SORCS2: variants seen among roughly 807,000 people sequenced by gnomAD.
SORCS2 encodes VPS10 domain-containing receptor SorCS2.
SORCS2 carries 100 observed loss-of-function variants against 141.6 expected under a neutral mutation model. That is an observed-to-expected ratio of 0.71 (90% CI 0.60 to 0.83). The LOEUF is 0.83. SORCS2 is among the 40% of genes least tolerant of loss of function. SORCS2 has a pLI of 0.00. For synonymous variants in SORCS2, 789 were observed against 676.9 expected, an observed-to-expected ratio of 1.17 and a Z score of -2.57; for missense variants, 1,646 against 1,560.2, an observed-to-expected ratio of 1.05 and a Z score of -0.93.
intron 1 of SORCS2, among the ~76,000 whole-genome samples, chr4:7,209,429 TAG>T (rs1157599934): frequency 6.6e-6 from 1 of 152,098 alleles, no homozygotes; most frequent in African/African-American, 2.4e-5. Context: ...GGAGGCTGTG[TAG>T]AGAGTCAGGC....
At chr4:7,720,679 T>C (rs1726526436) in intron 18 of SORCS2, among the ~76,000 whole-genome samples, 2 of 152,124 alleles carry the variant, frequency 1.3e-5, no homozygotes, top group Admixed American at 6.5e-5. Context: ...AGTTAGGAAA[T>C]GAGCAGAACT....
intron 2 of SORCS2, among the ~76,000 whole-genome samples, chr4:7,486,453 G>A (rs547331468): frequency 6.6e-6 from 1 of 152,288 alleles, no homozygotes; most frequent in Admixed American, 6.5e-5. Flanking sequence ...CCTGAGTCCC[G>A]TGTCTTGCAA....
At chr4:7,658,651 C>T (rs1410720860) in intron 5 of SORCS2, among the ~76,000 whole-genome samples, 1 of 152,218 alleles carries the variant, frequency 6.6e-6, no homozygotes, top group South Asian at 2.1e-4. Context: ...TCCCAGCTGG[C>T]TCCTGCCACA....
At chr4:7,673,565 T>C (rs1315179152) in intron 8 of SORCS2, among the ~76,000 whole-genome samples, 2 of 152,334 alleles carry the variant, frequency 1.3e-5, no homozygotes, top group East Asian at 3.9e-4. Flanking sequence ...GAAAAAAATA[T>C]GTGCACCACA....
rs897313564 is a variant in SORCS2 at position 7,741,325 on chromosome 4, C to T, written c.*1061C>T. The T allele has an allele frequency of 1.0e-5, 4 of 398,922 alleles. No homozygotes were observed. The highest frequency in any genetic ancestry group is 6.2e-4 in the Middle Eastern group (1 of 1,620). 24.7% of individuals were successfully genotyped at this position (398,922 alleles called of 1,614,324 possible). On this transcript the variant is annotated 3_prime_UTR_variant, in exon 27 of 27. Transcript: ENST00000507866. ...CCCAGGGAGGAGAGTAACTGAAGGT[C>T]ACAGCACGGTCACAGCAGAGGTGGC...
intron 1 of SORCS2, among the ~76,000 whole-genome samples, chr4:7,221,154 C>A (rs895492879): frequency 6.6e-6 from 1 of 152,170 alleles, no homozygotes; most frequent in African/African-American, 2.4e-5. Context: ...GACAAGATGT[C>A]CCCAGGTTCT....
At chr4:7,559,309 C>T (rs1366516578) in intron 3 of SORCS2, among the ~76,000 whole-genome samples, 1 of 152,194 alleles carries the variant, frequency 6.6e-6, no homozygotes, top group African/African-American at 2.4e-5. Context: ...CCTGGTTTAT[C>T]TCGAGCCTGG....
intron 1 of SORCS2, among the ~76,000 whole-genome samples, chr4:7,250,373 C>A (rs1025862472): frequency 1.3e-5 from 2 of 152,236 alleles, no homozygotes; most frequent in Non-Finnish European, 2.9e-5. Flanking sequence ...ATTTAAAAAA[C>A]CCCCACGGAT....
intron 2 of SORCS2, among the ~76,000 whole-genome samples, chr4:7,426,150 G>C (rs1312148520): frequency 2.0e-5 from 3 of 152,252 alleles, no homozygotes; most frequent in African/African-American, 7.2e-5. Flanking sequence ...TGTGGCTGTA[G>C]ACCCAGAGGA....
chr4:7,659,398 C>G (rs140953077), intron 5 of SORCS2, among the ~76,000 whole-genome samples: 2 of 152,296 alleles, frequency 1.3e-5, no homozygotes, highest in East Asian at 3.9e-4. Context: ...GGAGGACCAG[C>G]GTATGAAGCC....
intron 2 of SORCS2, among the ~76,000 whole-genome samples, chr4:7,410,865 C>G (rs1307293230): frequency 1.3e-5 from 2 of 150,560 alleles, no homozygotes; most frequent in African/African-American, 4.9e-5. Flanking sequence ...GGGACAAGAT[C>G]TGAGGTGACT....
intron 3 of SORCS2, among the ~76,000 whole-genome samples, chr4:7,607,300 C>T (rs949755545): frequency 6.6e-6 from 1 of 152,164 alleles, no homozygotes; most frequent in African/African-American, 2.4e-5. Flanking sequence ...ACAGATGCTC[C>T]ACGCAGACGC....
intron 2 of SORCS2, among the ~76,000 whole-genome samples, chr4:7,506,003 G>A (rs1732255949): frequency 6.6e-6 from 1 of 152,138 alleles, no homozygotes; most frequent in African/African-American, 2.4e-5. Context: ...CCCTGGCAGG[G>A]GGAACGCATA....
chr4:7,307,936 G>A (rs1444455351), intron 1 of SORCS2, among the ~76,000 whole-genome samples: 2 of 152,110 alleles, frequency 1.3e-5, no homozygotes, highest in African/African-American at 2.4e-5. Flanking sequence ...GTGCATGCAT[G>A]GGGTGGTATG....
At chr4:7,593,820 A>G (rs1248872645) in intron 3 of SORCS2, among the ~76,000 whole-genome samples, 1 of 152,210 alleles carries the variant, frequency 6.6e-6, no homozygotes, top group Non-Finnish European at 1.5e-5. Flanking sequence ...TATTGTCATT[A>G]TGGTTAAACT....
chr4:7,422,191 C>A (rs1267489098), intron 2 of SORCS2, among the ~76,000 whole-genome samples: 1 of 152,198 alleles, frequency 6.6e-6, no homozygotes, highest in Non-Finnish European at 1.5e-5. Flanking sequence ...CCTCCGTCAC[C>A]ATCCATTCTC....
chr4:7,237,610 C>T (rs1471800858), intron 1 of SORCS2, among the ~76,000 whole-genome samples: 2 of 152,018 alleles, frequency 1.3e-5, no homozygotes, highest in Admixed American at 1.3e-4. Flanking sequence ...CTTGCTGCAA[C>T]GGGTGCCTTA....
intron 3 of SORCS2, among the ~76,000 whole-genome samples, chr4:7,573,571 G>A (rs1256169266): frequency 2.0e-5 from 3 of 152,206 alleles, no homozygotes; most frequent in Non-Finnish European, 4.4e-5. Flanking sequence ...AGGCTGAAGT[G>A]CAATGGTGCA....
intron 1 of SORCS2, among the ~76,000 whole-genome samples, chr4:7,220,262 C>G (rs4689649): frequency 0.13 from 19,171 of 151,026 alleles, 1,446 homozygotes; most frequent in East Asian, 0.21. Flanking sequence ...TTAACCAAGG[C>G]TTGGGGGAGG....
Sources: gnomAD v4.1 joint callset for allele counts (sites outside exome capture counted in the v4.1 genomes callset) on GRCh38, gnomAD v4.1.1 for gene constraint, MANE v1.5 for transcripts, NCBI Gene and HGNC (gene_info 2026-07-23, HGNC 2026-07-21) for gene names.